Variants in ARMC2 observed in about 807,000 individuals in gnomAD.
ARMC2 encodes armadillo repeat containing 2.
In ARMC2, 67 loss-of-function variants were observed where a neutral mutation model predicts 90.3. The observed-to-expected ratio is 0.74, with a 90% CI of 0.61 to 0.91. ARMC2 has a LOEUF of 0.91. Among genes scored for constraint, ARMC2 ranks in the 40% least tolerant of loss-of-function variants. The pLI is 0.00. For synonymous variants in ARMC2, 393 were observed against 393.0 expected, an observed-to-expected ratio of 1.00 and a Z score of 0.00; for missense variants, 920 against 1,030.9, an observed-to-expected ratio of 0.89 and a Z score of 1.47.
intron 3 of ARMC2, among the ~76,000 whole-genome samples, chr6:108,861,921 C>T (rs1775285887): frequency 6.6e-6 from 1 of 152,166 alleles, no homozygotes; most frequent in Admixed American, 6.5e-5. Context: ...TAACCTGGTC[C>T]TTGTCAAACT....
the ARMC2 span, chr6:109,009,363 T>C: frequency 1.4e-6 from 2 of 1,469,128 alleles, no homozygotes; most frequent in African/African-American, 1.5e-5. Flanking sequence ...AGGTACCTCG[T>C]CCTGGTCGCG....
the ARMC2 span, among the ~76,000 whole-genome samples, chr6:108,990,280 G>C: frequency 6.6e-6 from 1 of 152,214 alleles, no homozygotes; most frequent in Admixed American, 6.5e-5. Flanking sequence ...TAAGGGTACT[G>C]ATTTCCAAGG....
At chr6:108,931,385 A>G (rs888323746) in intron 11 of ARMC2, among the ~76,000 whole-genome samples, 2 of 151,892 alleles carry the variant, frequency 1.3e-5, no homozygotes, top group South Asian at 4.1e-4. Flanking sequence ...AATGAACATT[A>G]GCGTGCATGT....
At chr6:108,997,002 G>T in the ARMC2 span, among the ~76,000 whole-genome samples, 1 of 143,310 alleles carries the variant, frequency 7.0e-6, no homozygotes, top group Admixed American at 6.9e-5. Flanking sequence ...TATGGAGAGA[G>T]TAAAGAAATG....
chr6:108,973,563 TTAA>T lies in ARMC2; in HGVS notation c.*50_*52del. On this transcript the variant is annotated 3_prime_UTR_variant, in exon 18 of 18. Transcript: ENST00000392644. ...ACGAGAACTCACGTCTCCCTCATTC[TTAA>T]GAACTGGTAACAAACGTGAACATTT... The T allele has an allele frequency of 6.7e-7, 1 of 1,496,420 alleles. No homozygotes were observed. The highest frequency in any genetic ancestry group is 1.4e-5 in the African/African-American group (1 of 71,878). The allele number at this position is 1,496,420 out of a possible 1,614,324, so 92.7% of individuals were successfully genotyped here. A position where few individuals can be genotyped will look rare whatever the true frequency, so the allele number is the denominator to read the frequency against.
At chr6:108,983,724 G>A in the ARMC2 span, among the ~76,000 whole-genome samples, 3 of 152,154 alleles carry the variant, frequency 2.0e-5, no homozygotes, top group Non-Finnish European at 4.4e-5. Flanking sequence ...GCTATTCAGG[G>A]TCCATTGAAG....
intron 13 of ARMC2, among the ~76,000 whole-genome samples, chr6:108,957,570 C>G (rs1480069300): frequency 2.0e-5 from 3 of 152,208 alleles, no homozygotes; most frequent in Admixed American, 6.5e-5. Flanking sequence ...AGCCTGATGG[C>G]TCCTGTGGCA....
At chr6:108,877,286 A>T (rs1474401443) in intron 5 of ARMC2, among the ~76,000 whole-genome samples, 2 of 152,346 alleles carry the variant, frequency 1.3e-5, no homozygotes, top group East Asian at 1.9e-4. Context: ...TGGCTTGGAC[A>T]CATGTAGCAT....
intron 10 of ARMC2, among the ~76,000 whole-genome samples, chr6:108,925,395 G>A (rs2128484277): frequency 6.6e-6 from 1 of 152,302 alleles, no homozygotes; most frequent in Non-Finnish European, 1.5e-5. Context: ...CCAGGCACTG[G>A]ACTTGGAGCT....
the ARMC2 span, among the ~76,000 whole-genome samples, chr6:109,052,945 TCAAA>T: frequency 1.3e-5 from 2 of 152,110 alleles, no homozygotes; most frequent in African/African-American, 2.4e-5. Context: ...CAGACATTAA[TCAAA>T]CAATCAATAA....
chr6:108,916,741 G>C (rs934322260), intron 10 of ARMC2, among the ~76,000 whole-genome samples: 6 of 152,192 alleles, frequency 3.9e-5, no homozygotes, highest in African/African-American at 1.4e-4. Flanking sequence ...AGGTGTTAGG[G>C]TTCGTCTGTG....
chr6:109,012,834 G>T, the ARMC2 span, among the ~76,000 whole-genome samples: 8 of 152,256 alleles, frequency 5.3e-5, no homozygotes, highest in African/African-American at 1.7e-4. Flanking sequence ...TAAGCAGTAG[G>T]CCGGGCGTGG....
chr6:109,027,732 C>T, the ARMC2 span, among the ~76,000 whole-genome samples: 5 of 152,042 alleles, frequency 3.3e-5, no homozygotes, highest in African/African-American at 1.2e-4. Flanking sequence ...GACAGCTCCC[C>T]GTCCCACAAC....
the ARMC2 span, among the ~76,000 whole-genome samples, chr6:109,000,979 G>A: frequency 6.6e-6 from 1 of 152,124 alleles, no homozygotes; most frequent in South Asian, 2.1e-4. Context: ...TAAAATAATG[G>A]AATATTATTT....
chr6:108,951,964 C>G (rs1421654605), intron 12 of ARMC2, among the ~76,000 whole-genome samples: 1 of 152,252 alleles, frequency 6.6e-6, no homozygotes, highest in Non-Finnish European at 1.5e-5. Flanking sequence ...GTAGAAAGGA[C>G]ACTAGAGTCT....
At chr6:108,882,645 A>G (rs568674625) in intron 5 of ARMC2, among the ~76,000 whole-genome samples, 2 of 152,298 alleles carry the variant, frequency 1.3e-5, no homozygotes, top group African/African-American at 4.8e-5. Flanking sequence ...TGGACAGGCT[A>G]GAAGAAATCT....
At chr6:108,984,124 G>A in the ARMC2 span, among the ~76,000 whole-genome samples, 21 of 152,312 alleles carry the variant, frequency 1.4e-4, no homozygotes, top group African/African-American at 5.1e-4. Flanking sequence ...ATGATCTGAG[G>A]TGGAACAGTT....
At chr6:108,850,723 C>T (rs577773364) in intron 1 of ARMC2, among the ~76,000 whole-genome samples, 51 of 152,182 alleles carry the variant, frequency 3.4e-4, no homozygotes, top group Non-Finnish European at 7.2e-4. Context: ...TAGCTCAAGT[C>T]TATATTTAAA....
At chr6:108,968,101 T>C (rs1778502622) in intron 17 of ARMC2, among the ~76,000 whole-genome samples, 1 of 152,244 alleles carries the variant, frequency 6.6e-6, no homozygotes, top group Non-Finnish European at 1.5e-5. Flanking sequence ...GAAAAGGATA[T>C]TGCCTCATAC....
Sources: allele counts gnomAD v4.1 joint callset (sites outside exome capture counted in the v4.1 genomes callset), GRCh38; gene constraint gnomAD v4.1.1; transcripts MANE v1.5; gene names NCBI Gene and HGNC (gene_info 2026-07-23, HGNC 2026-07-21).